BNC2: variants seen among roughly 807,000 people sequenced by gnomAD.
BNC2 encodes the protein zinc finger protein basonuclin-2.
BNC2 carries 20 observed loss-of-function variants against 76.3 expected under a neutral mutation model. The ratio of observed to expected loss-of-function variants is 0.26; its 90% CI spans 0.18 to 0.38. BNC2 has a LOEUF of 0.38. Ranked by LOEUF, BNC2 falls within the 10% of genes least tolerant of loss-of-function variation. The pLI, the probability that BNC2 is intolerant of heterozygous loss-of-function variation, is 1.00. For missense variants in BNC2, 1,382 were observed against 1,399.8 expected (o/e 0.99, Z 0.20); for synonymous variants, 582 against 514.8 (o/e 1.13, Z -1.77).
At chr9:16,796,965 A>G (rs1205205633) in intron 1 of BNC2, among the ~76,000 whole-genome samples, 1 of 152,204 alleles carries the variant, frequency 6.6e-6, no homozygotes, top group Non-Finnish European at 1.5e-5. Flanking sequence ...CTTCTACGAT[A>G]TGGCACAAAA....
At chr9:16,438,351 A>G (rs995687473) in intron 5 of BNC2, among the ~76,000 whole-genome samples, 1 of 152,214 alleles carries the variant, frequency 6.6e-6, no homozygotes, top group Non-Finnish European at 1.5e-5. Flanking sequence ...AAATGTGTAA[A>G]AAGTTGTCTC....
intron 5 of BNC2, among the ~76,000 whole-genome samples, chr9:16,473,940 T>C (rs1488204076): frequency 6.6e-6 from 1 of 152,172 alleles, no homozygotes; most frequent in Non-Finnish European, 1.5e-5. Context: ...TTAAAAGTGT[T>C]TTCAGATCCA....
intron 1 of BNC2, among the ~76,000 whole-genome samples, chr9:16,787,292 G>C (rs1826322047): frequency 6.6e-6 from 1 of 152,158 alleles, no homozygotes; most frequent in Non-Finnish European, 1.5e-5. Flanking sequence ...GCCCTCTCTA[G>C]ACTTTACTCC....
intron 5 of BNC2, among the ~76,000 whole-genome samples, chr9:16,469,992 C>CTTTTTTTTTTTTTTTTTTTT (rs201134930): frequency 8.7e-6 from 1 of 114,958 alleles, no homozygotes. Flanking sequence ...TAATGGCATT[C>CTTTTTTTTTTTTTTTTTTTT]TTTTTTTTTT....
intron 5 of BNC2, among the ~76,000 whole-genome samples, chr9:16,518,583 T>C (rs1489765930): frequency 8.1e-6 from 1 of 123,560 alleles, no homozygotes; most frequent in Non-Finnish European, 1.6e-5. Context: ...TATATATTTT[T>C]TGTTGTTGTT....
At chr9:16,793,860 G>C (rs28569806) in intron 1 of BNC2, among the ~76,000 whole-genome samples, 2,193 of 97,330 alleles carry the variant, frequency 0.023, 70 homozygotes, top group African/African-American at 0.081. Flanking sequence ...TGTGGTTTTT[G>C]TTTTTTTGTT....
intron 3 of BNC2, among the ~76,000 whole-genome samples, chr9:16,590,720 C>T (rs1201355368): frequency 6.6e-6 from 1 of 152,030 alleles, no homozygotes; most frequent in Non-Finnish European, 1.5e-5. Flanking sequence ...GGCGGGAAGA[C>T]TGCTTGAGCC....
intron 3 of BNC2, among the ~76,000 whole-genome samples, chr9:16,684,401 T>C (rs905222999): frequency 6.6e-6 from 1 of 152,084 alleles, no homozygotes; most frequent in Non-Finnish European, 1.5e-5. Context: ...ACCCAGACAG[T>C]ACCAGTTTGG....
chr9:16,659,758 T>C (rs1822053873), intron 3 of BNC2, among the ~76,000 whole-genome samples: 1 of 152,202 alleles, frequency 6.6e-6, no homozygotes, highest in Non-Finnish European at 1.5e-5. Flanking sequence ...CTCCTCAGCG[T>C]TGCTTTTCTT....
At chr9:16,855,972 C>T (rs1318040106) in intron 1 of BNC2, among the ~76,000 whole-genome samples, 1 of 152,070 alleles carries the variant, frequency 6.6e-6, no homozygotes, top group South Asian at 2.1e-4. Context: ...AGATTTATTA[C>T]CTTAGCATAT....
intron 1 of BNC2, among the ~76,000 whole-genome samples, chr9:16,759,387 A>C (rs1825487408): frequency 6.6e-6 from 1 of 152,230 alleles, no homozygotes; most frequent in Non-Finnish European, 1.5e-5. Context: ...GGTAACTTTT[A>C]AGATTTCAGG....
At chr9:16,745,379 G>A (rs1824971319) in intron 1 of BNC2, among the ~76,000 whole-genome samples, 1 of 152,152 alleles carries the variant, frequency 6.6e-6, no homozygotes, top group African/African-American at 2.4e-5. Flanking sequence ...TTAAAATATG[G>A]ATATTCAGCT....
chr9:16,441,718 G>C (rs918947666), intron 5 of BNC2, among the ~76,000 whole-genome samples: 1 of 152,164 alleles, frequency 6.6e-6, no homozygotes, highest in African/African-American at 2.4e-5. Context: ...TTTGGGACAA[G>C]TGGACACTGC....
chr9:16,655,351 T>C (rs1821900123), intron 3 of BNC2, among the ~76,000 whole-genome samples: 1 of 152,134 alleles, frequency 6.6e-6, no homozygotes, highest in Non-Finnish European at 1.5e-5. Flanking sequence ...AAAGCATCAA[T>C]GTATTAAGAT....
At chr9:16,462,162 C>G (rs1488828477) in intron 5 of BNC2, among the ~76,000 whole-genome samples, 1 of 152,164 alleles carries the variant, frequency 6.6e-6, no homozygotes, top group Admixed American at 6.5e-5. Flanking sequence ...TGAGCTAACC[C>G]AGGATTTCCT....
At chr9:16,486,562 C>T (rs1822167985) in intron 5 of BNC2, among the ~76,000 whole-genome samples, 1 of 152,208 alleles carries the variant, frequency 6.6e-6, no homozygotes, top group African/African-American at 2.4e-5. Flanking sequence ...TACACTAACC[C>T]TAATTTTCAG....
intron 2 of BNC2, among the ~76,000 whole-genome samples, chr9:16,733,632 G>A (rs879643210): frequency 3.3e-5 from 5 of 152,118 alleles, no homozygotes; most frequent in Non-Finnish European, 7.3e-5. Context: ...ATGGAGCGGG[G>A]AGAAAGAGGA....
At chr9:16,856,268 C>T (rs1819252795) in intron 1 of BNC2, among the ~76,000 whole-genome samples, 1 of 98,316 alleles carries the variant, frequency 1.0e-5, no homozygotes, top group African/African-American at 3.0e-5. Flanking sequence ...CACACACTCT[C>T]TCTCTCTCTC....
At chr9:16,868,188 T>A (rs193173016) in intron 1 of BNC2, 3 of 152,224 alleles carry the variant, frequency 2.0e-5, no homozygotes, top group Admixed American at 2.0e-4. Flanking sequence ...ATAAAAGTAA[T>A]CAAATGACAC....
Sources: allele counts gnomAD v4.1 joint callset (sites outside exome capture counted in the v4.1 genomes callset), GRCh38; gene constraint gnomAD v4.1.1; transcripts MANE v1.5; gene names NCBI Gene and HGNC (gene_info 2026-07-23, HGNC 2026-07-21).